The following PCBP3 variants were observed in gnomAD, a reference collection of about 807,000 sequenced individuals.
The protein encoded by PCBP3 is poly(rC)-binding protein 3.
Under a neutral mutation model 52.7 loss-of-function variants are expected in PCBP3, and 25 were observed. The ratio of observed to expected loss-of-function variants is 0.47; its 90% CI spans 0.35 to 0.66. PCBP3 has a LOEUF of 0.66. PCBP3 is among the 30% of genes least tolerant of loss of function. The pLI is 0.01. For missense variants in PCBP3, 391 were observed against 490.3 expected (o/e 0.80, Z 1.91); for synonymous variants, 162 against 183.0 (o/e 0.89, Z 0.93).
intron 1 of PCBP3, among the ~76,000 whole-genome samples, chr21:45,657,004 G>A (rs1316238005): frequency 6.6e-6 from 1 of 152,016 alleles, no homozygotes; most frequent in Non-Finnish European, 1.5e-5. Context: ...TGTATTTTTA[G>A]TAGAGACAGG....
At chr21:45,794,288 T>A (rs1569231250) in intron 4 of PCBP3, among the ~76,000 whole-genome samples, 1 of 152,218 alleles carries the variant, frequency 6.6e-6, no homozygotes, top group Non-Finnish European at 1.5e-5. Flanking sequence ...TAGTGGTGCG[T>A]GCATGTAGTC....
chr21:45,694,471 AAAAG>A (rs2082654811), intron 2 of PCBP3, among the ~76,000 whole-genome samples: 1 of 152,188 alleles, frequency 6.6e-6, no homozygotes, highest in Non-Finnish European at 1.5e-5. Context: ...TTACCAGAGA[AAAAG>A]AAGGTCATTG....
intron 4 of PCBP3, among the ~76,000 whole-genome samples, chr21:45,819,534 C>T (rs548630860): frequency 9.8e-5 from 15 of 152,342 alleles, no homozygotes; most frequent in Admixed American, 2.6e-4. Flanking sequence ...AGGCCGAGGC[C>T]GGCAGCCACT....
At chr21:45,688,005 A>G (rs2082250499) in intron 2 of PCBP3, among the ~76,000 whole-genome samples, 1 of 152,216 alleles carries the variant, frequency 6.6e-6, no homozygotes, top group African/African-American at 2.4e-5. Flanking sequence ...TTCTGGGATT[A>G]CAGGCATGAG....
chr21:45,877,748 G>T (rs2095301285), intron 5 of PCBP3, among the ~76,000 whole-genome samples: 1 of 152,200 alleles, frequency 6.6e-6, no homozygotes, highest in African/African-American at 2.4e-5. Flanking sequence ...GGAGGTTGCA[G>T]TGAGCTGCTG....
intron 11 of PCBP3, chr21:45,911,372 A>C: frequency 1.7e-5 from 4 of 231,980 alleles, no homozygotes; most frequent in Non-Finnish European, 2.6e-5. Flanking sequence ...AGTGCTCTTT[A>C]CGTTGGAGTC....
rs540055187 is a variant in PCBP3, at chr21:45,939,882, G to A, written c.910-148G>A. The A allele has an allele frequency of 4.5e-5, 30 of 665,886 alleles. No homozygotes were observed. In the East Asian group the frequency reaches 6.4e-4, roughly 14 times the overall value. The allele number at this position is 665,886 out of a possible 1,614,324, so 41.2% of individuals were successfully genotyped here. A position where few individuals can be genotyped will look rare whatever the true frequency, so the allele number is the denominator to read the frequency against. ...GCACCACCTGCAGGCAGGTGTGGGCGGGGCCTCTCCGGGGTGTTGAGCTCA... is the reference window on the plus strand; with the variant it reads ...GCACCACCTGCAGGCAGGTGTGGGCAGGGCCTCTCCGGGGTGTTGAGCTCA... On this transcript the variant is annotated intron_variant, in intron 16 of 17. Transcript: ENST00000681687.
intron 2 of PCBP3, among the ~76,000 whole-genome samples, chr21:45,678,039 T>C (rs2081576373): frequency 6.6e-6 from 1 of 152,166 alleles, no homozygotes; most frequent in Admixed American, 6.5e-5. Flanking sequence ...CAAGTGTTAC[T>C]ACTTAAGAAA....
At chr21:45,663,780 T>C (rs1191791634) in intron 1 of PCBP3, among the ~76,000 whole-genome samples, 2 of 152,276 alleles carry the variant, frequency 1.3e-5, no homozygotes, top group African/African-American at 4.8e-5. Context: ...TACTGTAGCC[T>C]TGTAGTATAA....
intron 5 of PCBP3, among the ~76,000 whole-genome samples, chr21:45,860,311 T>C (rs2094461923): frequency 6.6e-6 from 1 of 152,170 alleles, no homozygotes; most frequent in Non-Finnish European, 1.5e-5. Context: ...GTAGTAAATG[T>C]GAAATTTTCA....
In PCBP3 at chr21:45,672,902, G is replaced by A. The variant is rs536470809; in HGVS notation, c.-200+3950G>A. On this transcript the variant is annotated intron_variant, in intron 2 of 17. Coordinates refer to ENST00000681687, the MANE Select transcript of PCBP3 (RefSeq NM_001384156.1). ...AGCCAGCTAGTTTTTGCCTAAGCCCGTGTCTTTCTGTGATGCTCAACTGAG... is the reference window on the plus strand; with the variant it reads ...AGCCAGCTAGTTTTTGCCTAAGCCCATGTCTTTCTGTGATGCTCAACTGAG... Among the ~76,000 whole-genome samples the A allele has an allele frequency of 4.6e-5, 7 of 152,276 alleles. No homozygotes were observed. The South Asian group carries it at 1.2e-3, about 27-fold the overall frequency.
chr21:45,669,694 G>A (rs1270557776), intron 2 of PCBP3, among the ~76,000 whole-genome samples: 3 of 151,016 alleles, frequency 2.0e-5, no homozygotes, highest in African/African-American at 7.3e-5. Flanking sequence ...TTTTGTGACT[G>A]GCTTATTTAA....
At chr21:45,926,249 C>T (rs1387471937) in intron 13 of PCBP3, among the ~76,000 whole-genome samples, 1 of 152,198 alleles carries the variant, frequency 6.6e-6, no homozygotes, top group Non-Finnish European at 1.5e-5. Context: ...GTTACCCCCA[C>T]GTGTGCTGCT....
At chr21:45,860,478 C>T (rs2094468008) in intron 5 of PCBP3, among the ~76,000 whole-genome samples, 1 of 152,186 alleles carries the variant, frequency 6.6e-6, no homozygotes, top group Non-Finnish European at 1.5e-5. Context: ...CTGCAACTTA[C>T]ATGGCCTTTT....
At chr21:45,787,557 T>G (rs929264393) in intron 4 of PCBP3, among the ~76,000 whole-genome samples, 1 of 152,204 alleles carries the variant, frequency 6.6e-6, no homozygotes, top group African/African-American at 2.4e-5. Context: ...GTGCCTGGCC[T>G]CATCCGAGTT....
At chr21:45,678,917 T>C (rs111701037) in intron 2 of PCBP3, among the ~76,000 whole-genome samples, 9,707 of 152,036 alleles carry the variant, frequency 0.064, 402 homozygotes, top group East Asian at 0.22. Context: ...GAAGAGTCCA[T>C]TGATGTGGCA....
chr21:45,909,731 CA>C (rs2096292658), intron 10 of PCBP3, among the ~76,000 whole-genome samples: 1 of 132,898 alleles, frequency 7.5e-6, no homozygotes, highest in Non-Finnish European at 1.6e-5. Flanking sequence ...TGCCCAGATA[CA>C]GACCTGGCCC....
chr21:45,868,588 A>G (rs574118937), intron 5 of PCBP3, among the ~76,000 whole-genome samples: 13 of 151,762 alleles, frequency 8.6e-5, no homozygotes, highest in Non-Finnish European at 1.9e-4. Flanking sequence ...CGGGGTCCCC[A>G]TGCCTGCCCA....
intron 2 of PCBP3, among the ~76,000 whole-genome samples, chr21:45,669,814 T>C (rs1603220391): frequency 6.9e-5 from 6 of 87,406 alleles, no homozygotes; most frequent in Admixed American, 6.6e-4. Context: ...TGTATATATA[T>C]ATATATATAT....
Sources: allele counts gnomAD v4.1 joint callset (sites outside exome capture counted in the v4.1 genomes callset), GRCh38; gene constraint gnomAD v4.1.1; transcripts MANE v1.5; gene names NCBI Gene and HGNC (gene_info 2026-07-23, HGNC 2026-07-21).